Variants in DGKB observed in about 807,000 individuals in gnomAD.
DGKB encodes the protein 90 kDa diacylglycerol kinase.
DGKB carries 67 observed loss-of-function variants against 114.3 expected under a neutral mutation model. The ratio of observed to expected loss-of-function variants is 0.59; its 90% confidence interval spans 0.48 to 0.72. DGKB has a LOEUF of 0.72. Ranked by LOEUF, DGKB falls within the 30% of genes least tolerant of loss-of-function variation. The pLI, the probability that DGKB is intolerant of heterozygous loss-of-function variation, is 0.00. For synonymous variants in DGKB, 398 were observed against 323.1 expected (o/e 1.23, Z -2.49); for missense variants, 907 against 975.2 (o/e 0.93, Z 0.93).
In DGKB at chr7:14,678,458, C is replaced by T. The variant is rs576780128; in HGVS notation, c.1035+4095G>A. Among the ~76,000 whole-genome samples, 16 of 152,030 alleles carry T rather than the reference C, an allele frequency of 1.1e-4. No homozygotes were observed. The South Asian group carries it at 3.3e-3, about 32-fold the overall frequency. Reference sequence around the variant, plus strand: ...GGTGCATTCAAGGGACCGGGATGAACAAAATAGTAGGCATGAGGGAAACAT... The same window carrying T: ...GGTGCATTCAAGGGACCGGGATGAATAAAATAGTAGGCATGAGGGAAACAT... On this transcript the variant is annotated intron_variant, in intron 12 of 25. Transcript: ENST00000402815.
intron 4 of DGKB, among the ~76,000 whole-genome samples, chr7:14,739,589 G>C (rs935303183): frequency 3.3e-5 from 5 of 152,120 alleles, no homozygotes; most frequent in Admixed American, 1.3e-4. Flanking sequence ...CCCAGATTTA[G>C]CTGAATTAAG....
chr7:14,653,403 G>A (rs1815035662), intron 13 of DGKB, among the ~76,000 whole-genome samples: 1 of 151,446 alleles, frequency 6.6e-6, no homozygotes, highest in Non-Finnish European at 1.5e-5. Flanking sequence ...ACTACTGCAA[G>A]AACAAAAAAC....
intron 21 of DGKB, among the ~76,000 whole-genome samples, chr7:14,377,058 G>A (rs1818604227): frequency 6.6e-6 from 1 of 152,192 alleles, no homozygotes; most frequent in Non-Finnish European, 1.5e-5. Flanking sequence ...GTGATATGAT[G>A]TGACAGCATC....
At chr7:14,499,237 A>G (rs2128950138) in intron 20 of DGKB, among the ~76,000 whole-genome samples, 1 of 151,820 alleles carries the variant, frequency 6.6e-6, no homozygotes, top group South Asian at 2.1e-4. Context: ...CTTTTTGCCC[A>G]GAAAGATAAC....
At chr7:14,204,060 G>A (rs1310471005) in intron 23 of DGKB, among the ~76,000 whole-genome samples, 1 of 151,960 alleles carries the variant, frequency 6.6e-6, no homozygotes, top group Non-Finnish European at 1.5e-5. Context: ...AAAATAAGAA[G>A]TGGAAATGGC....
At chr7:14,859,005 G>A (rs1366319694) in intron 1 of DGKB, among the ~76,000 whole-genome samples, 1 of 152,132 alleles carries the variant, frequency 6.6e-6, no homozygotes, top group Non-Finnish European at 1.5e-5. Context: ...GGGAAGCATA[G>A]AGGTGAAAGT....
chr7:14,948,788 A>G (rs569897484), intron 1 of DGKB, among the ~76,000 whole-genome samples: 84 of 152,004 alleles, frequency 5.5e-4, no homozygotes, highest in Middle Eastern at 6.8e-3. Context: ...TAACAACATA[A>G]TAAGTTAATA....
chr7:14,582,259 C>G (rs1800041877), intron 18 of DGKB, among the ~76,000 whole-genome samples: 1 of 152,280 alleles, frequency 6.6e-6, no homozygotes. Context: ...TTCATGGTCT[C>G]TTTTTCTAAC....
intron 9 of DGKB, among the ~76,000 whole-genome samples, chr7:14,692,154 A>G (rs1047925021): frequency 1.3e-5 from 2 of 151,878 alleles, no homozygotes; most frequent in Non-Finnish European, 2.9e-5. Context: ...TAAATAATAA[A>G]TAATATATCA....
intron 21 of DGKB, among the ~76,000 whole-genome samples, chr7:14,471,675 AAAT>A (rs1305701922): frequency 6.6e-6 from 1 of 151,966 alleles, no homozygotes; most frequent in African/African-American, 2.4e-5. Context: ...TTAATACCTC[AAAT>A]AATAGTTATG....
At position 14,402,320 on chromosome 7, in the gene DGKB, T is replaced by C. The variant is rs550255839; in HGVS notation, c.1836-56929A>G. On this transcript the variant is annotated intron_variant, in intron 21 of 25. Transcript: ENST00000402815. ...TCAAATTCACAGAATAATTCTAATT[T>C]AATGATAAAGATGATACTCCTACCC... Among the ~76,000 whole-genome samples, 86 of 151,998 alleles carry C rather than the reference T, an allele frequency of 5.7e-4. 1 individual carries two copies. The South Asian group carries it at 0.016, about 29-fold the overall frequency.
In DGKB at chr7:14,694,109, G is replaced by A. The variant is rs1332385823; in HGVS notation, c.677C>T (p.Thr226Met). 1.3e-6 allele frequency: 2 copies of A among 1,592,578 alleles called. No individual in the cohort carries two copies. The highest frequency in any genetic ancestry group is 1.7e-6 in the Non-Finnish European group (2 of 1,168,160). The part of the protein sequence containing the change: ...LEEWIQGGMT[T>M]IPLLVLLGLE... Reference sequence around the variant, plus strand: ...GCCCAGGAGCACAAGAAGTGGAATCGTTGTCATTCCTCCTTGAATCCATTC... The same window carrying A: ...GCCCAGGAGCACAAGAAGTGGAATCATTGTCATTCCTCCTTGAATCCATTC... The change falls in exon 9 of 26, where the codon ACG becomes ATG. Residue 226 changes from threonine (T) to methionine (M), a missense_variant. Around this residue, in one of 3 missense-constraint regions of DGKB, gnomAD observed 814 missense variants for 856.6 expected, o/e 0.95. Transcript: ENST00000402815.
chr7:14,469,054 C>A (rs1354466181), intron 21 of DGKB, among the ~76,000 whole-genome samples: 1 of 152,078 alleles, frequency 6.6e-6, no homozygotes, highest in Non-Finnish European at 1.5e-5. Context: ...AGAGCATATA[C>A]AATCAAGCCT....
In DGKB at chr7:14,763,971, T is replaced by C. The variant is rs142333337; in HGVS notation, c.71-6240A>G. ...AAGTGAGAGAGGCTCAATGGGACCATGGAAAAGTCATCTTTCGGGTCTCTC... is the reference window on the plus strand; with the variant it reads ...AAGTGAGAGAGGCTCAATGGGACCACGGAAAAGTCATCTTTCGGGTCTCTC... On this transcript the variant is annotated intron_variant, in intron 2 of 25. Coordinates refer to ENST00000402815, the MANE Select transcript of DGKB (RefSeq NM_001350709.2). Among the ~76,000 whole-genome samples, 364 of 152,074 alleles carry C rather than the reference T, an allele frequency of 2.4e-3. 1 individual carries two copies. Among genetic ancestry groups the C allele is most frequent in the African/African-American group, 8.5e-3 (352 of 41,550 alleles).
intron 20 of DGKB, among the ~76,000 whole-genome samples, chr7:14,517,091 C>G (rs562246715): frequency 2.0e-5 from 3 of 152,148 alleles, no homozygotes; most frequent in African/African-American, 7.2e-5. Context: ...CCGCATGGTA[C>G]TGCTACAAAA....
intron 4 of DGKB, among the ~76,000 whole-genome samples, chr7:14,739,521 C>T (rs2128408414): frequency 6.6e-6 from 1 of 152,286 alleles, no homozygotes; most frequent in East Asian, 1.9e-4. Flanking sequence ...ATAACTTCCA[C>T]CCTCTTTACC....
chr7:14,774,254 GC>G (rs1837838153), intron 2 of DGKB, among the ~76,000 whole-genome samples: 1 of 152,162 alleles, frequency 6.6e-6, no homozygotes, highest in Non-Finnish European at 1.5e-5. Context: ...TTGGAGAAAA[GC>G]TATCTAAATA....
At chr7:14,883,924 G>T (rs749997454) in intron 1 of DGKB, among the ~76,000 whole-genome samples, 1 of 152,068 alleles carries the variant, frequency 6.6e-6, no homozygotes, top group South Asian at 2.1e-4. Flanking sequence ...ATAAATAGGT[G>T]CTTCCATCAC....
At chr7:14,668,673 T>G (rs1818456909) in intron 13 of DGKB, among the ~76,000 whole-genome samples, 2 of 152,164 alleles carry the variant, frequency 1.3e-5, no homozygotes, top group Admixed American at 6.6e-5. Flanking sequence ...CCATTTACCT[T>G]GATTCCAACA....
Sources: gnomAD v4.1 joint callset for allele counts (sites outside exome capture counted in the v4.1 genomes callset) on GRCh38, gnomAD v4.1.1 for gene constraint, gnomAD v4.1.1 regional missense constraint, MANE v1.5 for transcripts, NCBI Gene and HGNC (gene_info 2026-07-23, HGNC 2026-07-21) for gene names.